The following CCM2L variants were observed in gnomAD, a reference collection of about 807,000 sequenced individuals.
The protein encoded by CCM2L is CCM2 like scaffold protein.
Under a neutral mutation model 54.1 loss-of-function variants are expected in CCM2L, and 36 were observed. That is an observed-to-expected ratio of 0.67 (90% CI 0.51 to 0.88). The LOEUF is 0.88. Among genes scored for constraint, CCM2L ranks in the 40% least tolerant of loss-of-function variants. The probability of loss-of-function intolerance (pLI) is 0.00; values close to 1 mark genes in which losing one functional copy is unlikely to be tolerated. For missense variants in CCM2L, 700 were observed against 812.1 expected, an observed-to-expected ratio of 0.86 and a Z score of 1.68; for synonymous variants, 351 against 359.3, an observed-to-expected ratio of 0.98 and a Z score of 0.26.
chr20:32,026,807 C>T (rs1040177395), intron 7 of CCM2L, among the ~76,000 whole-genome samples: 2 of 150,904 alleles, frequency 1.3e-5, no homozygotes, highest in African/African-American at 4.9e-5. Flanking sequence ...ACCCAGGAGG[C>T]GGAGCTTACA....
chr20:32,019,329 C>T lies in CCM2L; in HGVS notation c.853C>T (p.Pro285Ser). Reference sequence around the variant, plus strand: ...GGGAGGCAGCTGGGAGCGGCGCCACCCCGGCCCCAACCCGCTCGACCCGCA... The same window carrying T: ...GGGAGGCAGCTGGGAGCGGCGCCACTCCGGCCCCAACCCGCTCGACCCGCA... ...GGGGSWERRH[P>S]GPNPLDPQDP... is the part of the protein sequence containing the mutation. Residue 285 changes from proline (P) to serine (S), a missense_variant, in exon 5 of 10, where the codon CCC becomes TCC. Coordinates refer to ENST00000452892, the MANE Select transcript of CCM2L (RefSeq NM_001365692.1). 1.4e-6 allele frequency: 2 copies of T among 1,413,240 alleles called. No individual in the cohort carries two copies. The highest frequency in any genetic ancestry group is 1.5e-5 in the South Asian group (1 of 68,538). 87.5% of individuals were successfully genotyped at this position (1,413,240 alleles called of 1,614,324 possible).
At chr20:32,013,931 G>C (rs1173819097) in intron 1 of CCM2L, among the ~76,000 whole-genome samples, 1 of 152,098 alleles carries the variant, frequency 6.6e-6, no homozygotes, top group African/African-American at 2.4e-5. Context: ...ATTTCTCTCA[G>C]TTCCTAGGTG....
intron 2 of CCM2L, among the ~76,000 whole-genome samples, chr20:32,017,170 T>C (rs1405579491): frequency 6.6e-6 from 1 of 152,122 alleles, no homozygotes; most frequent in Non-Finnish European, 1.5e-5. Flanking sequence ...TTATATTGAG[T>C]AACATTTAAG....
At chr20:32,017,178 A>T (rs532853165) in intron 2 of CCM2L, among the ~76,000 whole-genome samples, 1 of 152,342 alleles carries the variant, frequency 6.6e-6, no homozygotes, top group Non-Finnish European at 1.5e-5. Flanking sequence ...AGTAACATTT[A>T]AGTGCTAACA....
intron 2 of CCM2L, among the ~76,000 whole-genome samples, chr20:32,016,635 G>A (rs1276135459): frequency 2.6e-5 from 4 of 151,928 alleles, no homozygotes; most frequent in Admixed American, 1.3e-4. Flanking sequence ...CAGCCCGGGC[G>A]ACAGTGCGAG....
chr20:32,025,670 T>C (rs1176484345), intron 6 of CCM2L, among the ~76,000 whole-genome samples, 186 bp from the exon 7 acceptor site: 2 of 152,052 alleles, frequency 1.3e-5, no homozygotes, highest in African/African-American at 4.8e-5. Flanking sequence ...TGGGGGGTGG[T>C]ATTGTCCCCA....
Position 32,019,347 on chromosome 20 carries a change from G to T in CCM2L, c.871G>T (p.Asp291Tyr). Residue 291 changes from aspartate (D) to tyrosine (Y), a missense_variant, in exon 5 of 10, where the codon GAC (aspartate) becomes TAC (tyrosine). Coordinates refer to ENST00000452892, the MANE Select transcript of CCM2L (RefSeq NM_001365692.1). The stretch of plus-strand genomic sequence containing the variant: ...GCGCCACCCCGGCCCCAACCCGCTC[G>T]ACCCGCAGGACCCCAGCCCCGACGC... ...ERRHPGPNPL[D>Y]PQDPSPDAYC... is the part of the protein sequence containing the mutation. 6.8e-7 allele frequency: 1 copy of T among 1,475,310 alleles called. No homozygotes were observed. 91.4% of individuals were successfully genotyped at this position (1,475,310 alleles called of 1,614,324 possible). A position where few individuals can be genotyped will look rare whatever the true frequency, so the allele number is the denominator to read the frequency against.
At chr20:32,024,325 C>T (rs1204930049) in intron 6 of CCM2L, among the ~76,000 whole-genome samples, 3 of 152,206 alleles carry the variant, frequency 2.0e-5, no homozygotes, top group Non-Finnish European at 4.4e-5. Flanking sequence ...GTTCAACTCT[C>T]ACAAGGATGA....
intron 9 of CCM2L, 141 bp downstream of exon 9, chr20:32,029,979 A>G (rs530858631): frequency 3.2e-4 from 344 of 1,075,794 alleles, no homozygotes; most frequent in Non-Finnish European, 4.0e-4. Context: ...CACAGGGCAG[A>G]TGAGGAGCCC....
At chr20:32,030,972 G>A in intron 9 of CCM2L, 29 bp from the exon 10 acceptor site, 1 of 1,302,620 alleles carries the variant, frequency 7.7e-7, no homozygotes, top group Non-Finnish European at 1.0e-6. Flanking sequence ...AACGTGTCCT[G>A]GGGACTCACC....
Position 32,017,967 on chromosome 20 carries a change from C to T in CCM2L, c.283-12C>T, listed in dbSNP as rs1294082412. On this transcript the variant is annotated splice_polypyrimidine_tract_variant and intron_variant, in intron 3 of 9. Coordinates refer to ENST00000452892, the MANE Select transcript of CCM2L (RefSeq NM_001365692.1). ...CGGACCTCGGGAACTCGAGATCTGC[C>T]CCTCCCTGCAGCAGCTGAAGGAGCT... 1.9e-6 allele frequency: 3 copies of T among 1,613,344 alleles called. No homozygotes were observed. Among genetic ancestry groups the T allele is most frequent in the East Asian group, 4.5e-5 (2 of 44,846 alleles).
At chr20:32,014,261 A>ATATAT (rs1364242332) in intron 1 of CCM2L, among the ~76,000 whole-genome samples, 34 of 132,224 alleles carry the variant, frequency 2.6e-4, no homozygotes, top group African/African-American at 7.6e-4. Context: ...ATATATATAT[A>ATATAT]TTTTTTTTTT....
intron 8 of CCM2L, 51 bp from the exon 9 acceptor site, chr20:32,029,649 T>G (rs747807901): frequency 2.6e-6 from 4 of 1,550,276 alleles, no homozygotes; most frequent in Non-Finnish European, 3.5e-6. Context: ...CAGGCAGGGG[T>G]TGGGTGGCGC....
chr20:32,024,023 G>A (rs1385450698), intron 6 of CCM2L, among the ~76,000 whole-genome samples: 1 of 152,166 alleles, frequency 6.6e-6, no homozygotes, highest in African/African-American at 2.4e-5. Context: ...ATGAGCCACC[G>A]CGCCTGGCCA....
In CCM2L at chr20:32,014,981, C is replaced by A. The variant is rs1270372516; in HGVS notation, c.108C>A (p.Arg36=). The part of the protein sequence containing the change: ...RRAACRSSVS[R]RPLHSMPLYP... ...CAGCCTGTAGGAGCAGCGTGAGCCG[C>A]CGGCCCCTGCACTCGATGCCCCTTT... The change falls in exon 2 of 10, where the codon CGC becomes CGA. Residue 36 remains arginine, a synonymous_variant. Transcript: ENST00000452892. 3.8e-6 allele frequency: 6 copies of A among 1,589,944 alleles called. No homozygotes were observed. Among genetic ancestry groups the A allele is most frequent in the Non-Finnish European group, 5.1e-6 (6 of 1,169,622 alleles).
chr20:32,028,935 C>T (rs2064890297), intron 7 of CCM2L, 60 bp from the exon 8 acceptor site: 1 of 1,605,732 alleles, frequency 6.2e-7, no homozygotes, highest in East Asian at 2.2e-5. Flanking sequence ...TACCTTCAGC[C>T]TGCCTGAGGG....
Position 32,012,551 on chromosome 20 carries a change from C to T in CCM2L, c.30+2067C>T, listed in dbSNP as rs376827783. On this transcript the variant is annotated intron_variant, in intron 1 of 9. Coordinates refer to ENST00000452892, the MANE Select transcript of CCM2L (RefSeq NM_001365692.1). ...TGTGGGGCCACACTTTGAGAACCAC[C>T]GGTTTAGATCCTGGCTACTCAAAGC... 2.2e-4 allele frequency among the ~76,000 whole-genome samples: 33 copies of T among 152,156 alleles called. 1 individual carries two copies. In the East Asian group the frequency reaches 2.7e-3, roughly 12 times the overall value.
chr20:32,010,560 T>TGGGGGGCAACTGGGGGGGGGGGG, intron 1 of CCM2L, 76 bp downstream of exon 1: 1 of 105,750 alleles, frequency 9.5e-6, no homozygotes, highest in Non-Finnish European at 1.8e-5. Flanking sequence ...TGGGGCGGGG[T>TGGGGGGCAACTGGGGGGGGGGGG]GGGGGGTCGG....
chr20:32,026,752 T>TGTG (rs2064864755), intron 7 of CCM2L, among the ~76,000 whole-genome samples: 1 of 151,746 alleles, frequency 6.6e-6, no homozygotes, highest in Non-Finnish European at 1.5e-5. Context: ...GGCGCACACC[T>TGTG]GTGGTCCCAG....
Sources: gnomAD v4.1 joint callset for allele counts (sites outside exome capture counted in the v4.1 genomes callset) on GRCh38, gnomAD v4.1.1 for gene constraint, MANE v1.5 for transcripts, NCBI Gene and HGNC (gene_info 2026-07-23, HGNC 2026-07-21) for gene names.